Variants in ASPM observed in about 807,000 individuals in gnomAD.
The protein encoded by ASPM is assembly factor for spindle microtubules, also known as abnormal spindle-like microcephaly-associated protein.
Under a neutral mutation model 366.4 loss-of-function variants are expected in ASPM, and 256 were observed. The observed-to-expected ratio is 0.70, with a 90% CI of 0.63 to 0.77. The LOEUF (loss-of-function observed/expected upper bound fraction) is 0.77. ASPM is among the 30% of genes least tolerant of loss of function. The pLI, the probability that ASPM is intolerant of heterozygous loss-of-function variation, is 0.00. For synonymous variants in ASPM, 1,414 were observed against 1,342.9 expected (o/e 1.05, Z -1.16); for missense variants, 4,146 against 4,090.4 (o/e 1.01, Z -0.37).
chr1:197,090,796 G>T, intron 23 of ASPM, 54 bp downstream of exon 23: 3 of 1,494,410 alleles, frequency 2.0e-6, no homozygotes, highest in Non-Finnish European at 1.9e-6. Flanking sequence ...TAGATATCAT[G>T]TAGATGAATT....
Position 197,125,107 on chromosome 1 carries a change from G to A in ASPM, c.3021C>T (p.His1007=). 1.2e-6 allele frequency: 2 copies of A among 1,613,996 alleles called. No individual in the cohort carries two copies. The highest frequency in any genetic ancestry group is 1.7e-6 in the Non-Finnish European group (2 of 1,179,916). ...GAACTTGAAGAACAATGTCAACATT[G>A]TGCATCTTTTGAAGACGACTTATTG... ...IPAISRLQKM[H]NVDIVLQVLK... The change falls in exon 11 of 28, where the codon CAC becomes CAT. Residue 1007 remains histidine (H), a synonymous_variant. Coordinates refer to ENST00000367409, the MANE Select transcript of ASPM (RefSeq NM_018136.5).
rs754689827 is a variant in ASPM, at chr1:197,090,945, G to T, written c.9541C>A (p.Arg3181=). 3 of 1,612,868 alleles carry T rather than the reference G, an allele frequency of 1.9e-6. No individual in the cohort carries two copies. The highest frequency in any genetic ancestry group is 1.7e-5 in the Admixed American group (1 of 59,938). ...TGTATTACTGATGCAGCCCTATTTC[G>T]CTGGCTCAGACATTCTTGACCTTCA... ...EHEGQECLSQ[R]NRAASVIQKA... is the part of the protein sequence containing the mutation. The change falls in exon 23 of 28, where the codon CGA becomes AGA. Residue 3181 remains arginine, a synonymous_variant. Coordinates refer to ENST00000367409, the MANE Select transcript of ASPM (RefSeq NM_018136.5).
rs932350867 is a variant in ASPM, at chr1:197,102,761, G to A, written c.6490C>T (p.Leu2164=). 6.2e-7 allele frequency: 1 copy of A among 1,612,498 alleles called. No individual in the cohort carries two copies. Among genetic ancestry groups the A allele is most frequent in the African/African-American group, 1.3e-5 (1 of 74,890 alleles). The change falls in exon 18 of 28, where the codon CTG becomes TTG. Residue 2164 remains leucine, a synonymous_variant. Coordinates refer to ENST00000367409, the MANE Select transcript of ASPM (RefSeq NM_018136.5). ...ACTTTAACAGCTTTCAAAATTGTCA[G>A]GTACTTTTCACGCTGCATTTTACCT... ...YQGKMQREKY[L]TILKAVKVLQ...
chr1:197,084,805 G>C (rs565590621), intron 27 of ASPM, among the ~76,000 whole-genome samples: 1 of 152,122 alleles, frequency 6.6e-6, no homozygotes, highest in Non-Finnish European at 1.5e-5. Context: ...GTCCGTTTTT[G>C]CCCCACTTTC....
rs760833680 is a variant in ASPM, at chr1:197,125,016, G to C, written c.3082+30C>G. 13 of 1,611,514 alleles carry C rather than the reference G, an allele frequency of 8.1e-6. No homozygotes were observed. The African/African-American group carries it at 1.7e-4, about 22-fold the overall frequency. On this transcript the variant is annotated intron_variant, in intron 11 of 27. Transcript: ENST00000367409. ...CGCACATATCAATATTCAGTGAGGAGAATAAGTTTTACCTCTACTCAGTTT... is the reference window on the plus strand; with the variant it reads ...CGCACATATCAATATTCAGTGAGGACAATAAGTTTTACCTCTACTCAGTTT...
chr1:197,103,249 T>C lies in ASPM; in HGVS notation c.6002A>G (p.Gln2001Arg), dbSNP rs1442212588. ...AATACTGTAAGCCCTATAATACTTT[T>C]GAATCAGAAGAGCAGCTTTTTTCAT... Reference protein sequence around the residue: ...KIMKKAALLIQKYYRAYSIGR... With the variant: ...KIMKKAALLIRKYYRAYSIGR... The change falls in exon 18 of 28, where the codon CAA (glutamine) becomes CGA (arginine). Residue 2001 changes from glutamine (Q) to arginine (R), a missense_variant. By Grantham distance (43) the Gln-to-Arg change is conservative. Transcript: ENST00000367409. 1 of 1,612,846 alleles carries C rather than the reference T, an allele frequency of 6.2e-7. No homozygotes were observed. The highest frequency in any genetic ancestry group is 1.1e-5 in the South Asian group (1 of 91,058).
Position 197,103,240 on chromosome 1 carries a change from T to C in ASPM, c.6011A>G (p.Tyr2004Cys). Reference sequence around the variant, plus strand: ...TTCTCTTCCAATACTGTAAGCCCTATAATACTTTTGAATCAGAAGAGCAGC... The same window carrying C: ...TTCTCTTCCAATACTGTAAGCCCTACAATACTTTTGAATCAGAAGAGCAGC... ...KKAALLIQKYYRAYSIGREQN... is the reference protein window; with the variant it reads ...KKAALLIQKYCRAYSIGREQN... Residue 2004 changes from tyrosine to cysteine, a missense_variant, in exon 18 of 28, where the codon TAT becomes TGT. Physicochemically the swap from Tyr to Cys is radical, Grantham distance 194. Around this residue, in one of 3 missense-constraint regions of ASPM, gnomAD observed 3,624 missense variants for 3,591.7 expected, o/e 1.01. Transcript: ENST00000367409. 6.2e-7 allele frequency: 1 copy of C among 1,612,788 alleles called. No homozygotes were observed. The highest frequency in any genetic ancestry group is 8.5e-7 in the Non-Finnish European group (1 of 1,179,308).
intron 4 of ASPM, chr1:197,139,129 G>T: frequency 2.4e-6 from 2 of 835,780 alleles, no homozygotes; most frequent in South Asian, 1.3e-5. Flanking sequence ...CTGAGTGTAG[G>T]TTTTTCTTTT....
At chr1:197,088,223 A>C (rs1281119551) in intron 26 of ASPM, 33 bp downstream of exon 26, 4 of 1,594,708 alleles carry the variant, frequency 2.5e-6, no homozygotes, top group Non-Finnish European at 3.4e-6. Context: ...ACAGAAAAAT[A>C]ATCTTAAAGA....
chr1:197,086,752 A>G, intron 27 of ASPM, 51 bp downstream of exon 27: 1 of 1,445,802 alleles, frequency 6.9e-7, no homozygotes, highest in Non-Finnish European at 9.7e-7. Flanking sequence ...TATTTGTTAA[A>G]TGAATGAATG....
At chr1:197,140,457 T>G (rs1413022524) in intron 3 of ASPM, among the ~76,000 whole-genome samples, 2 of 152,244 alleles carry the variant, frequency 1.3e-5, no homozygotes, top group Non-Finnish European at 2.9e-5. Context: ...GGCACTATCA[T>G]AATCTTTTTC....
In ASPM at chr1:197,100,540, T is replaced by C. The variant is rs772171715; in HGVS notation, c.8711A>G (p.Gln2904Arg). Residue 2904 changes from glutamine to arginine, a missense_variant, in exon 18 of 28, where the codon CAA (glutamine) becomes CGA (arginine). Gln to Arg is a conservative substitution (Grantham distance 43). Coordinates refer to ENST00000367409, the MANE Select transcript of ASPM (RefSeq NM_018136.5). ...RAFLSAKHQRQVYLQIRSSVI... is the reference protein window; with the variant it reads ...RAFLSAKHQRRVYLQIRSSVI... ...ACTGCTTCTGATCTGTAAATAGACT[T>C]GTCTTTGATGTTTTGCAGACAGAAA... is the stretch of plus-strand genomic sequence containing the variant. The C allele has an allele frequency of 5.0e-6, 8 of 1,611,464 alleles. No homozygotes were observed. The highest frequency in any genetic ancestry group is 1.6e-4 in the Middle Eastern group (1 of 6,064).
At chr1:197,138,285 C>T (rs750317533) in intron 4 of ASPM, among the ~76,000 whole-genome samples, 1 of 152,170 alleles carries the variant, frequency 6.6e-6, no homozygotes, top group South Asian at 2.1e-4. Flanking sequence ...GGACACAGGA[C>T]CTGTCTTCAG....
Position 197,091,038 on chromosome 1 carries a change from ATC to A in ASPM, c.9446_9447del (p.Arg3149MetfsTer17), listed in dbSNP as rs1469620788. ...KQVNSVICIQRWFRARLQEKR... is the reference protein window; with the variant it reads ...KQVNSVICIQXWFRARLQEKR... ...TTTTCTTGTAATCTTGCTCGAAACCATCTCTGTTTAAAACATAGAATTTTGTT... is the reference window on the plus strand; with the variant it reads ...TTTTCTTGTAATCTTGCTCGAAACCATCTGTTTAAAACATAGAATTTTGTT... On this transcript the variant is annotated frameshift_variant and splice_region_variant, in exon 23 of 28. Transcript: ENST00000367409. LOFTEE classifies it high-confidence loss of function. 1.2e-6 allele frequency: 2 copies of A among 1,607,522 alleles called. No homozygotes were observed. The highest frequency in any genetic ancestry group is 1.7e-5 in the Admixed American group (1 of 59,842).
In ASPM at chr1:197,143,115, A is replaced by T. The variant is rs1247565393; in HGVS notation, c.1137T>A (p.Asn379Lys). 6.2e-7 allele frequency: 1 copy of T among 1,612,712 alleles called. No individual in the cohort carries two copies. Among genetic ancestry groups the T allele is most frequent in the African/African-American group, 1.3e-5 (1 of 74,888 alleles). The change falls in exon 3 of 28, where the codon AAT (asparagine) becomes AAA (lysine). Residue 379 changes from asparagine (N) to lysine (K), a missense_variant. Asn to Lys is a moderately conservative substitution (Grantham distance 94). Transcript: ENST00000367409. ...TAACTGACTCTGATTCTAGATCCTG[A>T]TTTAGTCCATAATTATCTTTTATGA... ...DSFIKDNYGL[N>K]QDLESESVNP...
At chr1:197,131,828 G>A (rs914956789) in intron 7 of ASPM, among the ~76,000 whole-genome samples, 1 of 149,208 alleles carries the variant, frequency 6.7e-6, no homozygotes. Context: ...CAAAGTGCTC[G>A]GATTACAGCA....
In ASPM at chr1:197,133,347, T is replaced by C. The variant is rs763738706; in HGVS notation, c.2419+3A>G. On this transcript the variant is annotated splice_donor_region_variant and intron_variant, in intron 6 of 27. Coordinates refer to ENST00000367409, the MANE Select transcript of ASPM (RefSeq NM_018136.5). ...AATGTCAAGATTTCTGCAGTCTTCT[T>C]ACCCACATCTTTCCATAGGTGTCTA... is the stretch of plus-strand genomic sequence containing the variant. 1.2e-6 allele frequency: 2 copies of C among 1,611,492 alleles called. No homozygotes were observed.
intron 17 of ASPM, among the ~76,000 whole-genome samples, chr1:197,111,146 C>G (rs1288690690): frequency 1.3e-5 from 2 of 152,046 alleles, no homozygotes; most frequent in Non-Finnish European, 2.9e-5. Context: ...ACAGAATAAA[C>G]AGACAACCTA....
Position 197,102,166 on chromosome 1 carries a change from A to G in ASPM, c.7085T>C (p.Val2362Ala), listed in dbSNP as rs1411369588. The change falls in exon 18 of 28, where the codon GTT (valine) becomes GCT (alanine). Residue 2362 changes from valine to alanine, a missense_variant. By Grantham distance (64) the Val-to-Ala change is moderately conservative. Around this residue, in one of 3 missense-constraint regions of ASPM, gnomAD observed 3,624 missense variants for 3,591.7 expected, o/e 1.01. Transcript: ENST00000367409. ...MRYQALKQAS[V>A]VIQQQYQANR... ...TGCTTGGTATTGCTGTTGGATCACA[A>G]CGGAGGCCTGTTTCAAAGCCTGATA... 1 of 1,612,808 alleles carries G rather than the reference A, an allele frequency of 6.2e-7. No homozygotes were observed. The highest frequency in any genetic ancestry group is 8.5e-7 in the Non-Finnish European group (1 of 1,179,256).
Sources: allele counts gnomAD v4.1 joint callset (sites outside exome capture counted in the v4.1 genomes callset), GRCh38; gene constraint gnomAD v4.1.1; regional missense constraint gnomAD v4.1.1; transcripts MANE v1.5; gene names NCBI Gene and HGNC (gene_info 2026-07-23, HGNC 2026-07-21).